The following KLRG2 variants were observed in gnomAD, a reference collection of about 807,000 sequenced individuals.
KLRG2 encodes killer cell lectin like receptor G2.
In KLRG2, 39 loss-of-function variants were observed where a neutral mutation model predicts 35.4. The observed-to-expected ratio is 1.10, with a 90% CI of 0.85 to 1.44. The LOEUF is 1.44. Among genes scored for constraint, KLRG2 ranks in the 40% most tolerant of loss-of-function variants. The pLI, the probability that KLRG2 is intolerant of heterozygous loss-of-function variation, is 0.00. For synonymous variants in KLRG2, 283 were observed against 265.8 expected, an observed-to-expected ratio of 1.06 and a Z score of -0.63; for missense variants, 632 against 570.9, an observed-to-expected ratio of 1.11 and a Z score of -1.09.
Position 139,453,576 on chromosome 7 carries a change from C to T in KLRG2, c.*11G>A. ...TCTGCCTGGCAGGCTGAGGACCAGG[C>T]AGAGCCCAGATCACTGGGTCCCCTT... On this transcript the variant is annotated 3_prime_UTR_variant, in exon 5 of 5. Coordinates refer to ENST00000340940, the MANE Select transcript of KLRG2 (RefSeq NM_198508.4). 6.3e-7 allele frequency: 1 copy of T among 1,586,058 alleles called. No homozygotes were observed. The highest frequency in any genetic ancestry group is 1.3e-5 in the African/African-American group (1 of 74,422).
rs535537132 is a variant in KLRG2, at chr7:139,458,900, T to A, written c.1006-4686A>T. On this transcript the variant is annotated intron_variant, in intron 3 of 4. Coordinates refer to ENST00000340940, the MANE Select transcript of KLRG2 (RefSeq NM_198508.4). ...CTGGCCCTGGTGCGTTCCTGGGGTT[T>A]GTGCGCGCTGCTTCTGCGTGTGTGT... Among the ~76,000 whole-genome samples the A allele has an allele frequency of 2.0e-5, 3 of 152,338 alleles. No homozygotes were observed. The South Asian group carries it at 6.2e-4, about 32-fold the overall frequency.
rs1173866060 is a variant in KLRG2 at position 139,482,804 on chromosome 7, T to C, written c.757+82A>G. On this transcript the variant is annotated intron_variant, in intron 1 of 4. Coordinates refer to ENST00000340940, the MANE Select transcript of KLRG2 (RefSeq NM_198508.4). ...CCTTAGTCGGTCAGCTGCCCAGCGG[T>C]CCAGGGCTGGGCGGGTGTGGGGGTT... 5.5e-6 allele frequency: 7 copies of C among 1,274,134 alleles called. No individual in the cohort carries two copies. In the East Asian group the frequency reaches 1.9e-4, roughly 34 times the overall value. 78.9% of individuals were successfully genotyped at this position (1,274,134 alleles called of 1,614,324 possible).
the KLRG2 span, among the ~76,000 whole-genome samples, chr7:139,432,740 T>C: frequency 6.6e-6 from 1 of 152,220 alleles, no homozygotes; most frequent in African/African-American, 2.4e-5. Context: ...CTCTGTATAC[T>C]TTAAGTCACC....
the KLRG2 span, among the ~76,000 whole-genome samples, chr7:139,432,137 C>T: frequency 6.6e-6 from 1 of 151,980 alleles, no homozygotes; most frequent in African/African-American, 2.4e-5. Context: ...AGGAGGATTG[C>T]TTGAGCCCAG....
the KLRG2 span, among the ~76,000 whole-genome samples, chr7:139,429,998 G>T: frequency 1.3e-5 from 2 of 152,162 alleles, no homozygotes; most frequent in Non-Finnish European, 2.9e-5. Context: ...TTAAGGCAGG[G>T]TTCCTCAAAA....
intron 3 of KLRG2, among the ~76,000 whole-genome samples, chr7:139,468,449 G>A (rs1297652595): frequency 3.9e-5 from 6 of 152,084 alleles, no homozygotes; most frequent in Non-Finnish European, 8.8e-5. Flanking sequence ...TGAGCACCTT[G>A]TGACCCTTGC....
At chr7:139,459,928 T>C (rs1796540292) in intron 3 of KLRG2, among the ~76,000 whole-genome samples, 1 of 152,138 alleles carries the variant, frequency 6.6e-6, no homozygotes, top group African/African-American at 2.4e-5. Context: ...TTTTTTGTAT[T>C]TTTAGTAGAG....
At chr7:139,465,452 G>A (rs975494942) in intron 3 of KLRG2, among the ~76,000 whole-genome samples, 6 of 152,140 alleles carry the variant, frequency 3.9e-5, no homozygotes, top group Non-Finnish European at 7.3e-5. Context: ...CAGCACTTTG[G>A]GAGGCCGAGG....
chr7:139,457,778 C>T (rs2116433078), intron 3 of KLRG2, among the ~76,000 whole-genome samples: 1 of 152,260 alleles, frequency 6.6e-6, no homozygotes, highest in East Asian at 1.9e-4. Flanking sequence ...CACTCCATTC[C>T]ATTCTTCTTT....
Position 139,454,129 on chromosome 7 carries a change from G to T in KLRG2, c.1091C>A (p.Ala364Asp). The change falls in exon 4 of 5, where the codon GCC becomes GAC. Residue 364 changes from alanine (A) to aspartate (D), a missense_variant. Physicochemically the swap from Ala to Asp is moderately radical, Grantham distance 126. Coordinates refer to ENST00000340940, the MANE Select transcript of KLRG2 (RefSeq NM_198508.4). ...CACTCACAGCTGGGGCGGGAGTGGG[G>T]CCTCGTCGATCCAGTGCCAGCCCTG... Reference protein sequence around the residue: ...GPQGWHWIDEAPLPPQLLPED... With the variant: ...GPQGWHWIDEDPLPPQLLPED... The T allele has an allele frequency of 6.5e-7, 1 of 1,541,586 alleles. No individual in the cohort carries two copies. Among genetic ancestry groups the T allele is most frequent in the Non-Finnish European group, 8.8e-7 (1 of 1,138,902 alleles).
chr7:139,428,175 ATC>A, the KLRG2 span, among the ~76,000 whole-genome samples: 1 of 152,226 alleles, frequency 6.6e-6, no homozygotes, highest in Non-Finnish European at 1.5e-5. Context: ...GTCTCATGGT[ATC>A]TCTCAAGCTG....
the KLRG2 span, among the ~76,000 whole-genome samples, chr7:139,447,071 C>T: frequency 6.6e-6 from 1 of 152,140 alleles, no homozygotes; most frequent in Non-Finnish European, 1.5e-5. Context: ...CCAAACACAT[C>T]AGTGGTGTTT....
chr7:139,462,375 C>A (rs1375192350), intron 3 of KLRG2, among the ~76,000 whole-genome samples: 1 of 150,280 alleles, frequency 6.7e-6, no homozygotes, highest in African/African-American at 2.5e-5. Context: ...TCCTGGGGGG[C>A]AAGCACCCCC....
chr7:139,482,414 C>T (rs888441657), intron 1 of KLRG2, among the ~76,000 whole-genome samples: 1 of 151,208 alleles, frequency 6.6e-6, no homozygotes, highest in African/African-American at 2.4e-5. Context: ...TTTTTTGAGA[C>T]GGAGTTTCTC....
intron 3 of KLRG2, among the ~76,000 whole-genome samples, chr7:139,465,777 T>G (rs1796643653): frequency 6.6e-6 from 1 of 152,056 alleles, no homozygotes; most frequent in Non-Finnish European, 1.5e-5. Flanking sequence ...GACCTCTCAT[T>G]GCTCAGGGCA....
chr7:139,453,889 G>A (rs897628813), intron 4 of KLRG2, among the ~76,000 whole-genome samples, 182 bp from the exon 5 acceptor site: 20 of 152,156 alleles, frequency 1.3e-4, no homozygotes, highest in African/African-American at 3.6e-4. Context: ...AGCTGACCCC[G>A]CATCTGTAAA....
At chr7:139,470,044 A>T (rs1052737013) in intron 3 of KLRG2, among the ~76,000 whole-genome samples, 2 of 151,896 alleles carry the variant, frequency 1.3e-5, no homozygotes. Flanking sequence ...GAAAAGAAAC[A>T]GGGCATGGGT....
the KLRG2 span, among the ~76,000 whole-genome samples, chr7:139,432,491 G>T: frequency 1.3e-5 from 2 of 151,246 alleles, no homozygotes; most frequent in African/African-American, 4.9e-5. Flanking sequence ...AGCTTGATGG[G>T]TTTTTATATA....
the KLRG2 span, among the ~76,000 whole-genome samples, chr7:139,430,754 A>G: frequency 1.3e-5 from 2 of 152,200 alleles, no homozygotes; most frequent in Non-Finnish European, 2.9e-5. Context: ...CACCCCTCTA[A>G]TCCCAGCACT....
Sources: gnomAD v4.1 joint callset for allele counts (sites outside exome capture counted in the v4.1 genomes callset) on GRCh38, gnomAD v4.1.1 for gene constraint, MANE v1.5 for transcripts, NCBI Gene and HGNC (gene_info 2026-07-23, HGNC 2026-07-21) for gene names.